The following KLHDC1 variants were observed in gnomAD, a reference collection of about 807,000 sequenced individuals.
KLHDC1 encodes kelch domain-containing protein 1.
A neutral mutation model predicts 68.3 loss-of-function variants in KLHDC1; 53 were observed. The observed-to-expected ratio is 0.78, with a 90% confidence interval of 0.62 to 0.98. KLHDC1 has a LOEUF of 0.98. Among genes scored for constraint, KLHDC1 ranks in the 50% least tolerant of loss-of-function variants. KLHDC1 has a pLI of 0.00. For synonymous variants in KLHDC1, 148 were observed against 159.0 expected, an observed-to-expected ratio of 0.93 and a Z score of 0.52; for missense variants, 470 against 492.3, an observed-to-expected ratio of 0.95 and a Z score of 0.43.
At chr14:49,743,003 C>T (rs1270781600) in intron 11 of KLHDC1, among the ~76,000 whole-genome samples, 3 of 133,932 alleles carry the variant, frequency 2.2e-5, no homozygotes. Flanking sequence ...GCCAGGAAGG[C>T]AGAGGTTGCA....
chr14:49,712,848 C>T (rs1888242881), intron 4 of KLHDC1, among the ~76,000 whole-genome samples: 1 of 151,774 alleles, frequency 6.6e-6, no homozygotes, highest in South Asian at 2.1e-4. Flanking sequence ...CCATGTTGGT[C>T]AGCCTGGCCT....
intron 1 of KLHDC1, among the ~76,000 whole-genome samples, chr14:49,694,660 C>T (rs183552776): frequency 5.9e-5 from 9 of 152,064 alleles, no homozygotes; most frequent in Non-Finnish European, 1.0e-4. Context: ...CCGAGACCAG[C>T]CTGGCCAACA....
chr14:49,723,371 A>C (rs1888584901), intron 4 of KLHDC1, among the ~76,000 whole-genome samples: 1 of 151,728 alleles, frequency 6.6e-6, no homozygotes, highest in Non-Finnish European at 1.5e-5. Flanking sequence ...CATCTCTACA[A>C]AAATACAAAA....
chr14:49,698,674 C>T (rs942348949), intron 1 of KLHDC1, among the ~76,000 whole-genome samples: 2 of 151,730 alleles, frequency 1.3e-5, no homozygotes, highest in Non-Finnish European at 2.9e-5. Flanking sequence ...TGCCACCACG[C>T]CCAGCTAGTT....
chr14:49,695,543 T>A (rs1191679786), intron 1 of KLHDC1, among the ~76,000 whole-genome samples: 3 of 152,220 alleles, frequency 2.0e-5, no homozygotes, highest in Non-Finnish European at 1.5e-5. Context: ...CCAGGCTTTC[T>A]TGTTCCGTTG....
At chr14:49,750,917 G>A (rs1430585492) in intron 12 of KLHDC1, 1 of 152,128 alleles carries the variant, frequency 6.6e-6, no homozygotes, top group Admixed American at 6.6e-5. Context: ...CTCTCTCTGG[G>A]TCAAATAAGT....
intron 4 of KLHDC1, among the ~76,000 whole-genome samples, chr14:49,716,488 A>T (rs1038396301): frequency 4.6e-5 from 7 of 151,174 alleles, no homozygotes; most frequent in Non-Finnish European, 8.8e-5. Flanking sequence ...GGTTCAAGGG[A>T]TTCTCCTGCT....
Position 49,740,160 on chromosome 14 carries a change from A to G in KLHDC1, c.959A>G (p.Asp320Gly), listed in dbSNP as rs779417378. 7 of 1,608,864 alleles carry G rather than the reference A, an allele frequency of 4.4e-6. No homozygotes were observed. In the Admixed American group the frequency reaches 1.2e-4, roughly 27 times the overall value. The change falls in exon 11 of 13, where the codon GAT (aspartate) becomes GGT (glycine). Residue 320 changes from aspartate to glycine, a missense_variant. Asp to Gly is a moderately conservative substitution (Grantham distance 94). Transcript: ENST00000359332. ...NEIMVFGGSK[D>G]DLLALDTGHC... Reference sequence around the variant, plus strand: ...ATAATGGTATTTGGTGGGAGCAAAGATGACTTACTTGCCTTGGATACAGTA... The same window carrying G: ...ATAATGGTATTTGGTGGGAGCAAAGGTGACTTACTTGCCTTGGATACAGTA...
intron 1 of KLHDC1, among the ~76,000 whole-genome samples, chr14:49,694,721 G>T (rs1887682779): frequency 6.6e-6 from 1 of 152,090 alleles, no homozygotes; most frequent in Admixed American, 6.5e-5. Context: ...GGACATGGTG[G>T]CGGATGCTTG....
At chr14:49,710,498 A>T in intron 4 of KLHDC1, 117 bp downstream of exon 4, 1 of 617,594 alleles carries the variant, frequency 1.6e-6, no homozygotes, top group Non-Finnish European at 2.9e-6. Context: ...TTGATTTTCT[A>T]AATAATCAAT....
At chr14:49,721,581 C>T (rs796904638) in intron 4 of KLHDC1, among the ~76,000 whole-genome samples, 3 of 152,218 alleles carry the variant, frequency 2.0e-5, no homozygotes, top group African/African-American at 4.8e-5. Flanking sequence ...CAGTCTAATT[C>T]GTAGGTGATT....
At chr14:49,709,638 C>A in intron 2 of KLHDC1, 71 bp from the exon 3 acceptor site, 1 of 745,546 alleles carries the variant, frequency 1.3e-6, no homozygotes, top group Non-Finnish European at 2.2e-6. Context: ...CAAAAGTACT[C>A]ATGGAGTTTA....
At chr14:49,750,607 C>G (rs1889300293) in intron 12 of KLHDC1, among the ~76,000 whole-genome samples, 1 of 152,088 alleles carries the variant, frequency 6.6e-6, no homozygotes, top group Non-Finnish European at 1.5e-5. Context: ...CTAAAGTTAC[C>G]CACAGCAGAA....
intron 10 of KLHDC1, among the ~76,000 whole-genome samples, chr14:49,735,715 G>A (rs901565269): frequency 7.2e-5 from 11 of 152,200 alleles, no homozygotes; most frequent in Admixed American, 2.0e-4. Flanking sequence ...GTCACTTAAG[G>A]AAACTGAGCA....
intron 4 of KLHDC1, among the ~76,000 whole-genome samples, chr14:49,714,825 A>G (rs1888326933): frequency 7.1e-6 from 1 of 140,682 alleles, no homozygotes; most frequent in South Asian, 2.3e-4. Context: ...TTTAGCATAT[A>G]CTTAACACAT....
chr14:49,752,986 G>T lies in KLHDC1; in HGVS notation c.*1214G>T, dbSNP rs930117938. The T allele has an allele frequency of 1.3e-5, 2 of 151,768 alleles. No individual in the cohort carries two copies. The highest frequency in any genetic ancestry group is 4.8e-5 in the African/African-American group (2 of 41,352). 9.4% of individuals were successfully genotyped at this position (151,768 alleles called of 1,614,324 possible). On this transcript the variant is annotated 3_prime_UTR_variant, in exon 13 of 13. Coordinates refer to ENST00000359332, the MANE Select transcript of KLHDC1 (RefSeq NM_172193.3). Reference sequence around the variant, plus strand: ...TTATAGTAGTTTGTAGTATTTCATTGAATTTTAGAGAGATATTTCATATAT... The same window carrying T: ...TTATAGTAGTTTGTAGTATTTCATTTAATTTTAGAGAGATATTTCATATAT...
At chr14:49,698,659 G>A (rs1217093122) in intron 1 of KLHDC1, among the ~76,000 whole-genome samples, 1 of 151,670 alleles carries the variant, frequency 6.6e-6, no homozygotes, top group African/African-American at 2.4e-5. Flanking sequence ...GGGATTACAG[G>A]CACATGCCAC....
At chr14:49,738,550 A>G (rs1426077583) in intron 10 of KLHDC1, among the ~76,000 whole-genome samples, 3 of 152,014 alleles carry the variant, frequency 2.0e-5, no homozygotes, top group Non-Finnish European at 2.9e-5. Context: ...GGGTTTCACC[A>G]TGTTGGCCAA....
intron 4 of KLHDC1, among the ~76,000 whole-genome samples, chr14:49,721,641 C>T (rs1379080503): frequency 2.0e-5 from 3 of 152,164 alleles, no homozygotes; most frequent in Non-Finnish European, 4.4e-5. Context: ...TTACCTCTGG[C>T]TTCAAATGTT....
Sources: allele counts gnomAD v4.1 joint callset (sites outside exome capture counted in the v4.1 genomes callset), GRCh38; gene constraint gnomAD v4.1.1; transcripts MANE v1.5; gene names NCBI Gene and HGNC (gene_info 2026-07-23, HGNC 2026-07-21).